ZDHHC14: variants seen among roughly 807,000 people sequenced by gnomAD.
ZDHHC14 encodes the protein zDHHC palmitoyltransferase 14, also known as palmitoyltransferase ZDHHC14.
ZDHHC14 carries 16 observed loss-of-function variants against 47.7 expected under a neutral mutation model. The ratio of observed to expected loss-of-function variants is 0.34; its 90% CI spans 0.23 to 0.51. The LOEUF (loss-of-function observed/expected upper bound fraction) is 0.51. Ranked by LOEUF, ZDHHC14 falls within the 20% of genes least tolerant of loss-of-function variation. The probability of loss-of-function intolerance (pLI) is 0.97; values close to 1 mark genes in which losing one functional copy is unlikely to be tolerated. For synonymous variants in ZDHHC14, 293 were observed against 278.9 expected (o/e 1.05, Z -0.50); for missense variants, 515 against 662.5 (o/e 0.78, Z 2.44).
chr6:157,419,845 C>T (rs1012640180), intron 1 of ZDHHC14, among the ~76,000 whole-genome samples: 2 of 152,208 alleles, frequency 1.3e-5, no homozygotes, highest in African/African-American at 4.8e-5. Flanking sequence ...CTGTGTTTAG[C>T]TGTGTAGGAA....
chr6:157,460,393 A>G (rs1200369685), intron 1 of ZDHHC14, among the ~76,000 whole-genome samples: 1 of 120,646 alleles, frequency 8.3e-6, no homozygotes, highest in East Asian at 2.5e-4. Context: ...AGCCAGACTC[A>G]CTCTCTCTCT....
chr6:157,435,531 T>TTC (rs762480715), intron 1 of ZDHHC14, among the ~76,000 whole-genome samples: 16 of 151,742 alleles, frequency 1.1e-4, no homozygotes, highest in Admixed American at 1.1e-3. Context: ...CCTCCCTCAT[T>TTC]TCTCTCTCTC....
intron 4 of ZDHHC14, chr6:157,629,709 A>G (rs1192292075): frequency 9.2e-5 from 14 of 152,188 alleles, no homozygotes; most frequent in African/African-American, 3.1e-4. Flanking sequence ...CTTGAGAGCC[A>G]TGACTTGGTG....
intron 1 of ZDHHC14, among the ~76,000 whole-genome samples, chr6:157,517,780 C>T (rs1044631799): frequency 1.3e-5 from 2 of 152,236 alleles, no homozygotes; most frequent in South Asian, 2.1e-4. Flanking sequence ...ACCATCTGGG[C>T]GCTGCCTGCA....
At chr6:157,644,614 C>G (rs1777430753) in intron 5 of ZDHHC14, among the ~76,000 whole-genome samples, 1 of 152,222 alleles carries the variant, frequency 6.6e-6, no homozygotes, top group Middle Eastern at 3.2e-3. Context: ...CGGCACCGCA[C>G]TGGGTAATGT....
chr6:157,402,142 CT>C (rs964847439), intron 1 of ZDHHC14, among the ~76,000 whole-genome samples: 17 of 150,496 alleles, frequency 1.1e-4, no homozygotes, highest in African/African-American at 4.2e-4. Flanking sequence ...AGATGTGCGC[CT>C]GCTGAGGTCA....
At chr6:157,524,440 C>CAA (rs1463011150) in intron 1 of ZDHHC14, among the ~76,000 whole-genome samples, 2 of 152,166 alleles carry the variant, frequency 1.3e-5, no homozygotes, top group African/African-American at 4.8e-5. Context: ...GGCATATTTG[C>CAA]AATTTTTTTT....
intron 8 of ZDHHC14, among the ~76,000 whole-genome samples, chr6:157,670,594 C>T (rs80328024): frequency 0.03 from 4,550 of 152,216 alleles, 236 homozygotes; most frequent in African/African-American, 0.1. Context: ...TGTGCCCGGC[C>T]GCCTTCCAAG....
chr6:157,396,248 G>A (rs1777519515), intron 1 of ZDHHC14, among the ~76,000 whole-genome samples: 1 of 152,118 alleles, frequency 6.6e-6, no homozygotes, highest in Non-Finnish European at 1.5e-5. Context: ...GTGGCCTCAT[G>A]GTCTGCAGAG....
At chr6:157,544,539 C>T (rs1318631674) in intron 2 of ZDHHC14, among the ~76,000 whole-genome samples, 1 of 152,102 alleles carries the variant, frequency 6.6e-6, no homozygotes, top group Admixed American at 6.5e-5. Context: ...GTCCTAGCTA[C>T]TGGGGAGGCT....
chr6:157,426,559 G>T (rs919888307), intron 1 of ZDHHC14, among the ~76,000 whole-genome samples: 1 of 152,172 alleles, frequency 6.6e-6, no homozygotes, highest in Non-Finnish European at 1.5e-5. Flanking sequence ...CTCGCAGGAT[G>T]TGTGGGTCTG....
rs150288286 is a variant in ZDHHC14 at position 157,637,227 on chromosome 6, G to A, written c.752+4345G>A. On this transcript the variant is annotated intron_variant, in intron 5 of 8. Transcript: ENST00000359775. ...TTGGAGGTGGCATGGGAATGCCAGC[G>A]GGAGCTTATGTGGTGAAGCCCTGTA... Among the ~76,000 whole-genome samples, 816 of 152,300 alleles carry A rather than the reference G, an allele frequency of 5.4e-3. 7 individuals carry two copies. The highest frequency in any genetic ancestry group is 0.018 in the African/African-American group (757 of 41,566).
At chr6:157,573,355 A>C (rs1277121159) in intron 2 of ZDHHC14, among the ~76,000 whole-genome samples, 5 of 152,158 alleles carry the variant, frequency 3.3e-5, no homozygotes, top group Admixed American at 3.3e-4. Context: ...ACCAGCATGT[A>C]CCCAGTGGCA....
chr6:157,432,944 T>C (rs1223854552), intron 1 of ZDHHC14, among the ~76,000 whole-genome samples: 1 of 152,278 alleles, frequency 6.6e-6, no homozygotes, highest in African/African-American at 2.4e-5. Flanking sequence ...GCACTGTCCC[T>C]GCTGATCAAG....
intron 1 of ZDHHC14, among the ~76,000 whole-genome samples, chr6:157,469,906 C>G (rs1779314703): frequency 6.6e-6 from 1 of 152,228 alleles, no homozygotes; most frequent in African/African-American, 2.4e-5. Context: ...CTTCTTCCCT[C>G]TCTCTTACTG....
intron 2 of ZDHHC14, among the ~76,000 whole-genome samples, chr6:157,581,994 C>T (rs1299991588): frequency 6.6e-6 from 1 of 152,168 alleles, no homozygotes; most frequent in East Asian, 1.9e-4. Flanking sequence ...CTCCCAGGTT[C>T]AAGTGATTCA....
intron 3 of ZDHHC14, 41 bp downstream of exon 3, chr6:157,593,187 C>T (rs374638097): frequency 6.3e-7 from 1 of 1,580,314 alleles, no homozygotes; most frequent in Non-Finnish European, 8.6e-7. Flanking sequence ...AGCCCGGGTC[C>T]TCCGGGTGGG....
chr6:157,424,459 C>T (rs1050615330), intron 1 of ZDHHC14, among the ~76,000 whole-genome samples: 1 of 152,190 alleles, frequency 6.6e-6, no homozygotes, highest in African/African-American at 2.4e-5. Context: ...GGGGGACTGA[C>T]AGCACAGATA....
At chr6:157,513,147 G>T (rs1292289450) in intron 1 of ZDHHC14, among the ~76,000 whole-genome samples, 1 of 152,256 alleles carries the variant, frequency 6.6e-6, no homozygotes, top group Non-Finnish European at 1.5e-5. Context: ...GACACCAGGG[G>T]AGATGGCTCA....
Sources: allele counts gnomAD v4.1 joint callset (sites outside exome capture counted in the v4.1 genomes callset), GRCh38; gene constraint gnomAD v4.1.1; transcripts MANE v1.5; gene names NCBI Gene and HGNC (gene_info 2026-07-23, HGNC 2026-07-21).